Variants in CNTNAP2 observed in about 807,000 individuals in gnomAD.
The protein encoded by CNTNAP2 is contactin-associated protein-like 2.
Under a neutral mutation model 155.2 loss-of-function variants are expected in CNTNAP2, and 98 were observed. The ratio of observed to expected loss-of-function variants is 0.63; its 90% confidence interval spans 0.54 to 0.75. The LOEUF is 0.75. CNTNAP2 is among the 30% of genes least tolerant of loss of function. The pLI is 0.00. For missense variants in CNTNAP2, 1,727 were observed against 1,688.1 expected (o/e 1.02, Z -0.40); for synonymous variants, 651 against 631.2 (o/e 1.03, Z -0.47).
chr7:146,684,639 C>CAAAAAAAAAAAAAAAAAAAAA (rs3080477), intron 1 of CNTNAP2, among the ~76,000 whole-genome samples: 2 of 63,514 alleles, frequency 3.1e-5, no homozygotes, highest in Non-Finnish European at 5.6e-5. Context: ...AGATCCAGCG[C>CAAAAAAAAAAAAAAAAAAAAA]AAAAAAAAAA....
intron 14 of CNTNAP2, among the ~76,000 whole-genome samples, chr7:147,932,335 T>G (rs927172884): frequency 2.6e-5 from 4 of 152,154 alleles, no homozygotes; most frequent in African/African-American, 9.7e-5. Context: ...GCTTCAGTAA[T>G]TAAAACACTA....
chr7:146,144,139 A>ATATTTATTTATT lies in CNTNAP2; in HGVS notation c.97+27184_97+27195dup, dbSNP rs531251321. 1.9e-3 allele frequency among the ~76,000 whole-genome samples: 289 copies of ATATTTATTTATT among 151,530 alleles called. 1 individual carries two copies. Among genetic ancestry groups the ATATTTATTTATT allele is most frequent in the African/African-American group, 6.7e-3 (275 of 41,124 alleles). On this transcript the variant is annotated intron_variant, in intron 1 of 23. Coordinates refer to ENST00000361727, the MANE Select transcript of CNTNAP2 (RefSeq NM_014141.6). The stretch of plus-strand genomic sequence containing the variant: ...CACAAGCTTTTTGTGACTTCCTAAA[A>ATATTTATTTATT]TATTTATTTATTTATTTATTTATTT...
In CNTNAP2 at chr7:146,401,755, G is replaced by T. The variant is rs78309960; in HGVS notation, c.97+284782G>T. ...CAAGATGCGTTCTCTCCTTTAAGTG[G>T]ATGTGAATTTCTACTCAGTGAAAAG... On this transcript the variant is annotated intron_variant, in intron 1 of 23. Transcript: ENST00000361727. Among the ~76,000 whole-genome samples, 893 of 152,200 alleles carry T rather than the reference G, an allele frequency of 5.9e-3. 12 individuals carry two copies. The highest frequency in any genetic ancestry group is 0.037 in the South Asian group (180 of 4,818).
chr7:148,268,024 C>T (rs1017818049), intron 21 of CNTNAP2, among the ~76,000 whole-genome samples: 3 of 152,192 alleles, frequency 2.0e-5, no homozygotes, highest in African/African-American at 4.8e-5. Context: ...CCTTGTCCCT[C>T]TCTTCACCAG....
chr7:146,781,545 C>T (rs950452502), intron 2 of CNTNAP2, among the ~76,000 whole-genome samples: 2 of 152,094 alleles, frequency 1.3e-5, no homozygotes, highest in Non-Finnish European at 2.9e-5. Flanking sequence ...AAGCATGACG[C>T]CAACCTCTTC....
intron 1 of CNTNAP2, among the ~76,000 whole-genome samples, chr7:146,769,124 C>T (rs925862470): frequency 7.2e-5 from 11 of 152,152 alleles, no homozygotes; most frequent in Non-Finnish European, 1.5e-4. Context: ...AACTCAAGGC[C>T]CATCTGCTTT....
chr7:146,787,499 C>G (rs1457546221), intron 2 of CNTNAP2, among the ~76,000 whole-genome samples: 1 of 152,068 alleles, frequency 6.6e-6, no homozygotes, highest in African/African-American at 2.4e-5. Flanking sequence ...TGGAGTTGTT[C>G]CTTCCTTCTG....
chr7:146,677,904 G>A (rs865941021), intron 1 of CNTNAP2, among the ~76,000 whole-genome samples: 1 of 152,050 alleles, frequency 6.6e-6, no homozygotes, highest in Non-Finnish European at 1.5e-5. Context: ...GAGTGTTGGA[G>A]GGTGAAGGCA....
intron 1 of CNTNAP2, among the ~76,000 whole-genome samples, chr7:146,257,237 A>G (rs1799853600): frequency 6.6e-6 from 1 of 152,220 alleles, no homozygotes. Context: ...AGAAATATAC[A>G]GGAGTACTCC....
chr7:146,163,657 A>G (rs1418605214), intron 1 of CNTNAP2, among the ~76,000 whole-genome samples: 2 of 149,766 alleles, frequency 1.3e-5, no homozygotes, highest in African/African-American at 4.9e-5. Flanking sequence ...CTAAGGTAGG[A>G]GAATCTCTTG....
chr7:146,779,595 A>T (rs1379693291), intron 2 of CNTNAP2, among the ~76,000 whole-genome samples: 1 of 152,170 alleles, frequency 6.6e-6, no homozygotes, highest in Non-Finnish European at 1.5e-5. Context: ...GTATTTCCCA[A>T]CTAATGTAGA....
intron 12 of CNTNAP2, among the ~76,000 whole-genome samples, chr7:147,627,806 A>T (rs1216199629): frequency 2.4e-4 from 37 of 151,802 alleles, no homozygotes; most frequent in Admixed American, 2.4e-3. Context: ...TGGAAATGAA[A>T]GACACACTTA....
chr7:147,028,508 A>T (rs1798964981), intron 3 of CNTNAP2, among the ~76,000 whole-genome samples: 1 of 152,182 alleles, frequency 6.6e-6, no homozygotes, highest in African/African-American at 2.4e-5. Flanking sequence ...GGCACCGTAG[A>T]GGTATAGCTA....
At chr7:147,011,119 A>G (rs1798614573) in intron 3 of CNTNAP2, among the ~76,000 whole-genome samples, 1 of 151,848 alleles carries the variant, frequency 6.6e-6, no homozygotes, top group Non-Finnish European at 1.5e-5. Context: ...GGCCTGTGAT[A>G]TAGAACTATC....
intron 21 of CNTNAP2, among the ~76,000 whole-genome samples, chr7:148,336,265 T>G (rs4398816): frequency 0.42 from 64,521 of 151,916 alleles, 14,227 homozygotes; most frequent in East Asian, 0.66. Flanking sequence ...ATTCTAGTCC[T>G]TATTTAATAC....
intron 12 of CNTNAP2, among the ~76,000 whole-genome samples, chr7:147,632,460 G>A (rs561316395): frequency 1.6e-4 from 25 of 152,172 alleles, no homozygotes; most frequent in Non-Finnish European, 2.8e-4. Flanking sequence ...GTTTTATAAG[G>A]GGCTTTTCTG....
chr7:146,419,538 A>C (rs1795982791), intron 1 of CNTNAP2, among the ~76,000 whole-genome samples: 1 of 152,178 alleles, frequency 6.6e-6, no homozygotes, highest in South Asian at 2.1e-4. Flanking sequence ...TTATCAGAGA[A>C]CAATAAAAGT....
chr7:147,224,003 G>A (rs1803466368), intron 8 of CNTNAP2, among the ~76,000 whole-genome samples: 1 of 150,150 alleles, frequency 6.7e-6, no homozygotes. Flanking sequence ...CTACAAGCAA[G>A]AAATCAAAGA....
intron 22 of CNTNAP2, among the ~76,000 whole-genome samples, chr7:148,394,861 T>C (rs1377376014): frequency 6.6e-6 from 1 of 152,222 alleles, no homozygotes; most frequent in African/African-American, 2.4e-5. Flanking sequence ...TTTCATAGGT[T>C]TCCCCTGGAA....
Sources: gnomAD v4.1 joint callset for allele counts (sites outside exome capture counted in the v4.1 genomes callset) on GRCh38, gnomAD v4.1.1 for gene constraint, MANE v1.5 for transcripts, NCBI Gene and HGNC (gene_info 2026-07-23, HGNC 2026-07-21) for gene names.